The following RAB23 variants were observed in gnomAD, a reference collection of about 807,000 sequenced individuals.
RAB23 encodes the protein ras-related protein Rab-23.
A neutral mutation model predicts 30.0 loss-of-function variants in RAB23; 15 were observed. That is an observed-to-expected ratio of 0.50 (90% CI 0.33 to 0.77). The LOEUF (loss-of-function observed/expected upper bound fraction) is 0.77. Ranked by LOEUF, RAB23 falls within the 30% of genes least tolerant of loss-of-function variation. RAB23 has a pLI of 0.02. For synonymous variants in RAB23, 93 were observed against 94.0 expected (o/e 0.99, Z 0.06); for missense variants, 243 against 275.4 (o/e 0.88, Z 0.83).
At position 57,203,029 on chromosome 6, in the gene RAB23, CAG is replaced by C. The variant is rs1393330034; in HGVS notation, c.241+4597_241+4598del. Among the ~76,000 whole-genome samples, 3 of 83,464 alleles carry C rather than the reference CAG, an allele frequency of 3.6e-5. No homozygotes were observed. The East Asian group carries it at 9.7e-4, about 27-fold the overall frequency. The allele number at this position is 83,464 out of a possible 152,430, so 54.8% of individuals were successfully genotyped here. ...TTTTTTTTTTTTTTTTTTTTTGAGA[CAG>C]AGTCTTGCTCTGTCACCCAGGCTGG... On this transcript the variant is annotated intron_variant, in intron 3 of 6. Transcript: ENST00000468148.
In RAB23 at chr6:57,190,362, A is replaced by G. The variant is rs1370183411; in HGVS notation, c.*99T>C. On this transcript the variant is annotated 3_prime_UTR_variant, in exon 7 of 7. Coordinates refer to ENST00000468148, the MANE Select transcript of RAB23 (RefSeq NM_016277.5). ...CTGTCACTTTCAGAGAGCCATTAGG[A>G]GCAAAGTCTGCTGAAAACCTTGTAA... 1 of 1,410,944 alleles carries G rather than the reference A, an allele frequency of 7.1e-7. No individual in the cohort carries two copies. 87.4% of individuals were successfully genotyped at this position (1,410,944 alleles called of 1,614,324 possible).
chr6:57,211,744 T>G (rs1013565624), intron 1 of RAB23, among the ~76,000 whole-genome samples: 1 of 152,232 alleles, frequency 6.6e-6, no homozygotes, highest in African/African-American at 2.4e-5. Context: ...TAGTTACACA[T>G]ACAGTGAAAG....
chr6:57,214,555 T>G (rs1765768357), intron 1 of RAB23, among the ~76,000 whole-genome samples: 1 of 152,114 alleles, frequency 6.6e-6, no homozygotes, highest in Non-Finnish European at 1.5e-5. Context: ...CCACCTGCCT[T>G]GGCCTCCCAA....
intron 2 of RAB23, among the ~76,000 whole-genome samples, chr6:57,209,307 C>T: frequency 6.6e-6 from 1 of 152,080 alleles, no homozygotes; most frequent in Admixed American, 6.5e-5. Flanking sequence ...ATAAATATTA[C>T]CAAGTGGGTG....
intron 2 of RAB23, 108 bp downstream of exon 2, chr6:57,210,118 T>C: frequency 8.4e-7 from 1 of 1,191,938 alleles, no homozygotes; most frequent in South Asian, 1.3e-5. Flanking sequence ...GCATTGCCAC[T>C]AGTTGCCACA....
At chr6:57,208,750 A>T (rs1181609514) in intron 2 of RAB23, among the ~76,000 whole-genome samples, 1 of 152,064 alleles carries the variant, frequency 6.6e-6, no homozygotes, top group African/African-American at 2.4e-5. Context: ...ACGTTCTATA[A>T]TGTCAATGTG....
rs925924642 is a variant in RAB23 at position 57,187,521 on chromosome 6, T to C, written c.*2940A>G. 5 of 152,186 alleles carry C rather than the reference T, an allele frequency of 3.3e-5. No individual in the cohort carries two copies. The highest frequency in any genetic ancestry group is 9.7e-5 in the African/African-American group (4 of 41,450). 9.4% of individuals were successfully genotyped at this position (152,186 alleles called of 1,614,324 possible). ...CAAGCTTTCACCTCATCAATGCATT[T>C]TGTTTTCAGAGAAACAGACTAATGA... On this transcript the variant is annotated 3_prime_UTR_variant, in exon 7 of 7. Transcript: ENST00000468148.
rs143362760 is a variant in RAB23, at chr6:57,189,083, G to A, written c.*1378C>T. On this transcript the variant is annotated 3_prime_UTR_variant, in exon 7 of 7. Coordinates refer to ENST00000468148, the MANE Select transcript of RAB23 (RefSeq NM_016277.5). ...TTTATAGGTTAAAAATAAAGCCATT[G>A]ATGAGTGATAATCAGTTTTAACAGA... 31 of 152,318 alleles carry A rather than the reference G, an allele frequency of 2.0e-4. No homozygotes were observed. The highest frequency in any genetic ancestry group is 7.5e-4 in the African/African-American group (31 of 41,578). 9.4% of individuals were successfully genotyped at this position (152,318 alleles called of 1,614,324 possible).
intron 3 of RAB23, among the ~76,000 whole-genome samples, chr6:57,200,055 T>C (rs928620461): frequency 9.2e-5 from 14 of 152,026 alleles, no homozygotes; most frequent in African/African-American, 2.4e-4. Flanking sequence ...AAAAAAAAAC[T>C]TTGACTGAGG....
intron 1 of RAB23, 28 bp from the exon 2 acceptor site, chr6:57,210,473 C>A (rs1765613616): frequency 1.5e-6 from 2 of 1,308,542 alleles, no homozygotes; most frequent in Admixed American, 1.7e-5. Flanking sequence ...ATTATTTTTT[C>A]ATAACACAAA....
At chr6:57,199,461 C>G (rs920092115) in intron 3 of RAB23, among the ~76,000 whole-genome samples, 1 of 152,184 alleles carries the variant, frequency 6.6e-6, no homozygotes, top group East Asian at 1.9e-4. Context: ...ACCCATGTGG[C>G]GCAGTGGGAA....
intron 1 of RAB23, among the ~76,000 whole-genome samples, chr6:57,219,024 T>A (rs1593231267): frequency 6.6e-6 from 1 of 152,214 alleles, no homozygotes; most frequent in African/African-American, 2.4e-5. Flanking sequence ...AAACACAGAT[T>A]AGGAAAAAAT....
chr6:57,190,439 A>G lies in RAB23; in HGVS notation c.*22T>C. The G allele has an allele frequency of 2.5e-6, 4 of 1,613,060 alleles. No homozygotes were observed. Among genetic ancestry groups the G allele is most frequent in the Middle Eastern group, 1.7e-4 (1 of 6,036 alleles). Reference sequence around the variant, plus strand: ...TTAATGCATTGCACAATGTAATTCAATTGTTTTCCTCCCAAAACATCTTAG... The same window carrying G: ...TTAATGCATTGCACAATGTAATTCAGTTGTTTTCCTCCCAAAACATCTTAG... On this transcript the variant is annotated 3_prime_UTR_variant, in exon 7 of 7. Transcript: ENST00000468148.
intron 3 of RAB23, among the ~76,000 whole-genome samples, chr6:57,205,124 C>T (rs12173842): frequency 1.5e-5 from 2 of 132,072 alleles, no homozygotes; most frequent in African/African-American, 5.9e-5. Flanking sequence ...TGTATATATA[C>T]ACATCTATAC....
intron 1 of RAB23, among the ~76,000 whole-genome samples, chr6:57,220,710 A>C (rs1766023427): frequency 6.6e-6 from 1 of 152,228 alleles, no homozygotes; most frequent in African/African-American, 2.4e-5. Context: ...AGGGGTAAGG[A>C]GTATGATATA....
chr6:57,191,843 T>TTG (rs984122202), intron 6 of RAB23, among the ~76,000 whole-genome samples: 37 of 150,494 alleles, frequency 2.5e-4, no homozygotes, highest in East Asian at 7.9e-4. Flanking sequence ...TATTTCTGAG[T>TTG]TGTGTGTGTG....
rs1764637162 is a variant in RAB23, at chr6:57,187,255, G to T, written c.*3206C>A. Reference sequence around the variant, plus strand: ...ACTGTAGATATTTCGAGAGACAGATGAAAATAATAATAATAAAGATTATTA... The same window carrying T: ...ACTGTAGATATTTCGAGAGACAGATTAAAATAATAATAATAAAGATTATTA... On this transcript the variant is annotated 3_prime_UTR_variant, in exon 7 of 7. Coordinates refer to ENST00000468148, the MANE Select transcript of RAB23 (RefSeq NM_016277.5). The T allele has an allele frequency of 1.3e-5, 2 of 152,166 alleles. No individual in the cohort carries two copies. Among genetic ancestry groups the T allele is most frequent in the Admixed American group, 1.3e-4 (2 of 15,266 alleles). 9.4% of individuals were successfully genotyped at this position (152,166 alleles called of 1,614,324 possible).
intron 1 of RAB23, among the ~76,000 whole-genome samples, chr6:57,213,143 T>G (rs898359854): frequency 1.2e-4 from 18 of 152,144 alleles, no homozygotes; most frequent in African/African-American, 3.4e-4. Context: ...CCTAGATCCC[T>G]CACATGTGCA....
intron 1 of RAB23, among the ~76,000 whole-genome samples, chr6:57,217,022 C>A (rs1765867142): frequency 6.6e-6 from 1 of 151,994 alleles, no homozygotes; most frequent in Admixed American, 6.6e-5. Context: ...TCTTGTGGAA[C>A]CAGATCTACT....
Sources: allele counts gnomAD v4.1 joint callset (sites outside exome capture counted in the v4.1 genomes callset), GRCh38; gene constraint gnomAD v4.1.1; transcripts MANE v1.5; gene names NCBI Gene and HGNC (gene_info 2026-07-23, HGNC 2026-07-21).